RNF152: variants seen among roughly 807,000 people sequenced by gnomAD.
RNF152 encodes the protein E3 ubiquitin-protein ligase RNF152.
RNF152 carries 11 observed loss-of-function variants against 12.7 expected under a neutral mutation model. The observed-to-expected ratio is 0.86, with a 90% confidence interval of 0.54 to 1.43. RNF152 has a LOEUF of 1.43. Ranked by LOEUF, RNF152 falls within the 40% of genes most tolerant of loss-of-function variation. The pLI is 0.00. For synonymous variants in RNF152, 113 were observed against 120.3 expected (o/e 0.94, Z 0.40); for missense variants, 255 against 274.8 (o/e 0.93, Z 0.51).
intron 1 of RNF152, among the ~76,000 whole-genome samples, chr18:61,864,108 C>T (rs1286598122): frequency 6.6e-6 from 1 of 152,182 alleles, no homozygotes; most frequent in Non-Finnish European, 1.5e-5. Context: ...AAGTCTCCAA[C>T]TCTCCAACAA....
At chr18:61,873,105 T>C (rs79605325) in intron 1 of RNF152, among the ~76,000 whole-genome samples, 4,840 of 152,230 alleles carry the variant, frequency 0.032, 264 homozygotes, top group African/African-American at 0.11. Flanking sequence ...TTGAGCAAGC[T>C]ACTAAAGTTC....
intron 1 of RNF152, among the ~76,000 whole-genome samples, chr18:61,851,940 C>T (rs942643527): frequency 3.3e-5 from 5 of 152,152 alleles, no homozygotes; most frequent in African/African-American, 1.2e-4. Flanking sequence ...CTGCACAGTA[C>T]CTTGTGGCTC....
chr18:61,831,740 C>G (rs1909960273), intron 1 of RNF152, among the ~76,000 whole-genome samples: 1 of 151,778 alleles, frequency 6.6e-6, no homozygotes, highest in Non-Finnish European at 1.5e-5. Flanking sequence ...AGATAGAAAG[C>G]AATAATTCAT....
intron 1 of RNF152, among the ~76,000 whole-genome samples, chr18:61,822,097 G>C (rs1050690545): frequency 1.3e-5 from 2 of 152,088 alleles, no homozygotes; most frequent in Admixed American, 6.5e-5. Flanking sequence ...ATAAGAACAA[G>C]TATATAAGAA....
chr18:61,837,195 C>T (rs762578041), intron 1 of RNF152, among the ~76,000 whole-genome samples: 1 of 152,126 alleles, frequency 6.6e-6, no homozygotes, highest in South Asian at 2.1e-4. Flanking sequence ...CTCCTCAAAA[C>T]TCTCAATGTC....
At chr18:61,833,982 C>T (rs927538536) in intron 1 of RNF152, among the ~76,000 whole-genome samples, 25 of 152,216 alleles carry the variant, frequency 1.6e-4, no homozygotes, top group Admixed American at 6.5e-5. Context: ...TGCAAAACTG[C>T]TCTTTTCCAC....
chr18:61,838,332 A>G (rs996944939), intron 1 of RNF152, among the ~76,000 whole-genome samples: 2 of 152,172 alleles, frequency 1.3e-5, no homozygotes, highest in African/African-American at 4.8e-5. Context: ...TTGGCTTTTC[A>G]TTTGCTTTGG....
chr18:61,847,961 C>G (rs186859025), intron 1 of RNF152, among the ~76,000 whole-genome samples: 1 of 152,176 alleles, frequency 6.6e-6, no homozygotes, highest in Admixed American at 6.5e-5. Flanking sequence ...ACCACACTCA[C>G]GCTTCCCTTC....
chr18:61,826,640 T>C (rs1909683455), intron 1 of RNF152, among the ~76,000 whole-genome samples: 1 of 152,202 alleles, frequency 6.6e-6, no homozygotes, highest in South Asian at 2.1e-4. Flanking sequence ...GAACTTTCCC[T>C]CCGCAACAGT....
chr18:61,862,288 G>C (rs1051682548), intron 1 of RNF152, among the ~76,000 whole-genome samples: 36 of 152,178 alleles, frequency 2.4e-4, no homozygotes, highest in African/African-American at 6.8e-4. Flanking sequence ...CAATGTGTGT[G>C]GCAGAGGAGG....
intron 1 of RNF152, among the ~76,000 whole-genome samples, chr18:61,847,355 G>A (rs777420506): frequency 1.3e-5 from 2 of 152,180 alleles, no homozygotes; most frequent in Non-Finnish European, 2.9e-5. Flanking sequence ...ATTGCATAAT[G>A]CCATAAAACA....
intron 1 of RNF152, among the ~76,000 whole-genome samples, chr18:61,881,509 A>G (rs1912461488): frequency 6.6e-6 from 1 of 152,200 alleles, no homozygotes; most frequent in Non-Finnish European, 1.5e-5. Flanking sequence ...CTGTCTCAGT[A>G]AAATCACATT....
chr18:61,852,016 G>T (rs1338861939), intron 1 of RNF152, among the ~76,000 whole-genome samples: 7 of 152,142 alleles, frequency 4.6e-5, no homozygotes, highest in African/African-American at 1.4e-4. Context: ...GTCACCTACT[G>T]TCAAAGGCCA....
In RNF152 at chr18:61,844,102, G is replaced by GAAAGAAAGAAAGAAAGAAAGAA. The variant is rs1555702339; in HGVS notation, c.-135-27526_-135-27505dup. Among the ~76,000 whole-genome samples the GAAAGAAAGAAAGAAAGAAAGAA allele has an allele frequency of 5.1e-3, 698 of 136,346 alleles. 7 individuals are homozygous for GAAAGAAAGAAAGAAAGAAAGAA. Among genetic ancestry groups the GAAAGAAAGAAAGAAAGAAAGAA allele is most frequent in the Middle Eastern group, 0.018 (5 of 272 alleles). 89.4% of individuals were successfully genotyped at this position (136,346 alleles called of 152,430 possible). ...GGAAAGAAAGAAAGAAAGAAAGAAA[G>GAAAGAAAGAAAGAAAGAAAGAA]AAAGAAAGAAAGAAAGAAAGAAAGA... is the stretch of plus-strand genomic sequence containing the variant. On this transcript the variant is annotated intron_variant, in intron 1 of 1. Coordinates refer to ENST00000312828, the MANE Select transcript of RNF152 (RefSeq NM_173557.3).
chr18:61,883,425 CTAAA>C, intron 1 of RNF152, among the ~76,000 whole-genome samples: 1 of 152,174 alleles, frequency 6.6e-6, no homozygotes, highest in Non-Finnish European at 1.5e-5. Flanking sequence ...AAGCAGATTC[CTAAA>C]TAAAGGGGTT....
chr18:61,812,480 T>A lies in RNF152; in HGVS notation c.*3372A>T, dbSNP rs1367700364. On this transcript the variant is annotated 3_prime_UTR_variant, in exon 2 of 2. Coordinates refer to ENST00000312828, the MANE Select transcript of RNF152 (RefSeq NM_173557.3). ...ATCTTAGAGCTTTCTGATCATTAAG[T>A]ATGACTGGAACCAAAAACCAAGTTG... 1.3e-5 allele frequency: 2 copies of A among 152,342 alleles called. No homozygotes were observed. Among genetic ancestry groups the A allele is most frequent in the East Asian group, 3.9e-4 (2 of 5,188 alleles). The allele number at this position is 152,342 out of a possible 1,614,324, so 9.4% of individuals were successfully genotyped here. A position where few individuals can be genotyped will look rare whatever the true frequency, so the allele number is the denominator to read the frequency against.
In RNF152 at chr18:61,812,994, C is replaced by A. The variant is rs79081276; in HGVS notation, c.*2858G>T. 6.6e-6 allele frequency: 1 copy of A among 152,024 alleles called. No homozygotes were observed. Among genetic ancestry groups the A allele is most frequent in the Admixed American group, 6.5e-5 (1 of 15,278 alleles). 9.4% of individuals were successfully genotyped at this position (152,024 alleles called of 1,614,324 possible). ...TGCAGTGCGAAGTTCATATCCCCCC[C>A]TTTCTGCAGAATTACAAAACGGACT... On this transcript the variant is annotated 3_prime_UTR_variant, in exon 2 of 2. Coordinates refer to ENST00000312828, the MANE Select transcript of RNF152 (RefSeq NM_173557.3).
At chr18:61,841,793 A>T (rs887960441) in intron 1 of RNF152, among the ~76,000 whole-genome samples, 3 of 152,224 alleles carry the variant, frequency 2.0e-5, no homozygotes, top group Admixed American at 1.3e-4. Flanking sequence ...GCAGTAAATC[A>T]CTAATCCTGC....
In RNF152 at chr18:61,888,831, C is replaced by T. The variant is rs146252723; in HGVS notation, c.-136+3964G>A. ...GGAAAACCAACACCTTCTTCCTTTC[C>T]GGTTTCCATGACGTCACAATGGGCA... On this transcript the variant is annotated intron_variant, in intron 1 of 1. Coordinates refer to ENST00000312828, the MANE Select transcript of RNF152 (RefSeq NM_173557.3). The T allele has an allele frequency of 4.5e-4, 68 of 152,322 alleles. No individual in the cohort carries two copies. The East Asian group carries it at 0.012, about 27-fold the overall frequency. The allele number at this position is 152,322 out of a possible 1,614,324, so 9.4% of individuals were successfully genotyped here.
Sources: allele counts gnomAD v4.1 joint callset (sites outside exome capture counted in the v4.1 genomes callset), GRCh38; gene constraint gnomAD v4.1.1; transcripts MANE v1.5; gene names NCBI Gene and HGNC (gene_info 2026-07-23, HGNC 2026-07-21).